The following CCNY variants were observed in gnomAD, a reference collection of about 807,000 sequenced individuals.
CCNY encodes the protein cyclin Y.
CCNY carries 19 observed loss-of-function variants against 42.8 expected under a neutral mutation model. That is an observed-to-expected ratio of 0.44 (90% CI 0.31 to 0.65). The LOEUF is 0.65. CCNY is among the 30% of genes least tolerant of loss of function. CCNY has a pLI of 0.07. For synonymous variants in CCNY, 165 were observed against 162.7 expected, an observed-to-expected ratio of 1.01 and a Z score of -0.11; for missense variants, 370 against 437.3, an observed-to-expected ratio of 0.85 and a Z score of 1.37.
intron 2 of CCNY, among the ~76,000 whole-genome samples, chr10:35,496,188 A>G (rs1265366360): frequency 6.6e-6 from 1 of 152,212 alleles, no homozygotes; most frequent in Admixed American, 6.5e-5. Context: ...CTTCACATCC[A>G]GAGTAGTTAA....
At chr10:35,566,545 G>C (rs1359941472) in intron 9 of CCNY, among the ~76,000 whole-genome samples, 1 of 152,160 alleles carries the variant, frequency 6.6e-6, no homozygotes, top group Non-Finnish European at 1.5e-5. Context: ...GTTTCACAAT[G>C]TTGGCCAGGC....
At chr10:35,464,982 G>A (rs932314862) in intron 1 of CCNY, among the ~76,000 whole-genome samples, 1 of 152,126 alleles carries the variant, frequency 6.6e-6, no homozygotes, top group South Asian at 2.1e-4. Context: ...AATCCAAGTG[G>A]TATTTTTCCC....
intron 1 of CCNY, among the ~76,000 whole-genome samples, chr10:35,386,228 G>A (rs1467373797): frequency 2.0e-5 from 3 of 152,148 alleles, no homozygotes; most frequent in Non-Finnish European, 4.4e-5. Flanking sequence ...TCTTCGTATC[G>A]TGTCAGAGTC....
chr10:35,521,425 CCG>C lies in CCNY; in HGVS notation c.366-4538_366-4537del, dbSNP rs1840543678. Among the ~76,000 whole-genome samples, 3 of 152,158 alleles carry C rather than the reference CCG, an allele frequency of 2.0e-5. No individual in the cohort carries two copies. In the South Asian group the frequency reaches 6.2e-4, roughly 32 times the overall value. On this transcript the variant is annotated intron_variant, in intron 4 of 9. Coordinates refer to ENST00000374704, the MANE Select transcript of CCNY (RefSeq NM_145012.6). ...TTGGATTTGATAAGGGTGGTAAGAGCCGGTTAACTCTGTGGCTCGCCAGGGTT... is the reference window on the plus strand; with the variant it reads ...TTGGATTTGATAAGGGTGGTAAGAGCGTTAACTCTGTGGCTCGCCAGGGTT...
At chr10:35,551,862 C>G (rs1374523843) in intron 7 of CCNY, among the ~76,000 whole-genome samples, 1 of 152,098 alleles carries the variant, frequency 6.6e-6, no homozygotes, top group Non-Finnish European at 1.5e-5. Flanking sequence ...ATTACCAAAA[C>G]AAAACAGAAA....
At chr10:35,366,034 A>T (rs147290325) in intron 1 of CCNY, among the ~76,000 whole-genome samples, 28 of 152,304 alleles carry the variant, frequency 1.8e-4, no homozygotes, top group East Asian at 7.7e-4. Context: ...TCTCATGAGG[A>T]TGAAGATGCT....
At chr10:35,250,126 A>C (rs565180071) in intron 2 of CCNY, among the ~76,000 whole-genome samples, 2 of 150,890 alleles carry the variant, frequency 1.3e-5, no homozygotes, top group East Asian at 3.9e-4. Context: ...CCCGGGAGGC[A>C]GAGCTTGCAG....
intron 1 of CCNY, among the ~76,000 whole-genome samples, chr10:35,407,533 G>T (rs1837806714): frequency 6.6e-6 from 1 of 152,154 alleles, no homozygotes; most frequent in Non-Finnish European, 1.5e-5. Context: ...TTTACGACAA[G>T]AATTATTTAG....
intron 1 of CCNY, among the ~76,000 whole-genome samples, chr10:35,443,080 G>A (rs564285424): frequency 6.6e-6 from 1 of 152,310 alleles, no homozygotes; most frequent in East Asian, 1.9e-4. Flanking sequence ...ATAAAAAATA[G>A]TATGCCTGTT....
intron 1 of CCNY, among the ~76,000 whole-genome samples, chr10:35,351,266 C>T (rs1836424033): frequency 6.6e-6 from 1 of 152,234 alleles, no homozygotes; most frequent in African/African-American, 2.4e-5. Context: ...AAATGAACCT[C>T]TTCTGTTTAT....
At chr10:35,465,938 A>AGAGAGAGAGAGAGAGTGT in intron 1 of CCNY, among the ~76,000 whole-genome samples, 203 of 80,948 alleles carry the variant, frequency 2.5e-3, no homozygotes, top group Middle Eastern at 0.014. Context: ...AGAGAGAGAG[A>AGAGAGAGAGAGAGAGTGT]GTGTGTGTGT....
intron 3 of CCNY, among the ~76,000 whole-genome samples, chr10:35,255,638 A>T (rs1020688694): frequency 6.6e-6 from 1 of 152,110 alleles, no homozygotes; most frequent in Non-Finnish European, 1.5e-5. Flanking sequence ...TCTGCCGCCC[A>T]GGCTGGAGTG....
At chr10:35,353,779 G>A (rs1836480301) in intron 1 of CCNY, among the ~76,000 whole-genome samples, 3 of 152,210 alleles carry the variant, frequency 2.0e-5, no homozygotes, top group African/African-American at 7.2e-5. Context: ...TGTGATGTTA[G>A]TCTAAGTAAG....
At chr10:35,355,678 C>CAAAAAAAAAAAAA (rs60257114) in intron 1 of CCNY, among the ~76,000 whole-genome samples, 2 of 57,416 alleles carry the variant, frequency 3.5e-5, no homozygotes, top group Admixed American at 3.1e-4. Context: ...ATACTGTCTC[C>CAAAAAAAAAAAAA]AAAAAAAAAA....
intron 1 of CCNY, among the ~76,000 whole-genome samples, chr10:35,383,401 A>G (rs965214347): frequency 6.6e-6 from 1 of 151,720 alleles, no homozygotes; most frequent in Non-Finnish European, 1.5e-5. Context: ...TTTGCCTCCC[A>G]GGTTCAAGCA....
intron 3 of CCNY, among the ~76,000 whole-genome samples, chr10:35,316,698 T>C (rs985796820): frequency 4.6e-5 from 7 of 152,252 alleles, no homozygotes; most frequent in African/African-American, 7.2e-5. Context: ...TAAAATTGTT[T>C]TAGTTTTTTG....
chr10:35,484,856 C>T (rs1839751314), intron 2 of CCNY, among the ~76,000 whole-genome samples: 1 of 152,208 alleles, frequency 6.6e-6, no homozygotes, highest in African/African-American at 2.4e-5. Flanking sequence ...TAACAAGATT[C>T]CCATGAAATT....
rs35268084 is a variant in CCNY at position 35,516,661 on chromosome 10, C to CTTTTTTTTTT, written c.365+56_365+65dup. 1.4e-4 allele frequency: 45 copies of CTTTTTTTTTT among 327,612 alleles called. 1 individual carries two copies. In the African/African-American group the frequency reaches 1.5e-3, roughly 11 times the overall value. 20.3% of individuals were successfully genotyped at this position (327,612 alleles called of 1,614,324 possible). ...ATTTATTTCCTTCCTTCCTTCCTTC[C>CTTTTTTTTTT]TTTTTTTTTTTTTTTTTTTTTTTTT... On this transcript the variant is annotated intron_variant, in intron 4 of 9. Transcript: ENST00000374704.
chr10:35,425,148 G>T (rs530005056), intron 1 of CCNY, among the ~76,000 whole-genome samples: 2 of 152,168 alleles, frequency 1.3e-5, no homozygotes, highest in South Asian at 4.1e-4. Flanking sequence ...CTGCCAGGCC[G>T]ATGTTGGAGC....
Sources: allele counts gnomAD v4.1 joint callset (sites outside exome capture counted in the v4.1 genomes callset), GRCh38; gene constraint gnomAD v4.1.1; transcripts MANE v1.5; gene names NCBI Gene and HGNC (gene_info 2026-07-23, HGNC 2026-07-21).